Variants in SHB observed in about 807,000 individuals in gnomAD.
SHB encodes SH2 domain-containing adapter protein B.
Under a neutral mutation model 52.3 loss-of-function variants are expected in SHB, and 20 were observed. The observed-to-expected ratio is 0.38, with a 90% confidence interval of 0.27 to 0.56. The LOEUF (loss-of-function observed/expected upper bound fraction) is 0.56. Ranked by LOEUF, SHB falls within the 20% of genes least tolerant of loss-of-function variation. The pLI, the probability that SHB is intolerant of heterozygous loss-of-function variation, is 0.71. For missense variants in SHB, 825 were observed against 723.3 expected, an observed-to-expected ratio of 1.14 and a Z score of -1.61; for synonymous variants, 397 against 316.5, an observed-to-expected ratio of 1.25 and a Z score of -2.70.
chr9:37,920,647 C>T (rs1325523745), intron 5 of SHB, among the ~76,000 whole-genome samples: 1 of 152,232 alleles, frequency 6.6e-6, no homozygotes, highest in Admixed American at 6.5e-5. Flanking sequence ...ACCTGCCCTT[C>T]TTTATAAACC....
intron 2 of SHB, among the ~76,000 whole-genome samples, chr9:37,994,320 C>A (rs1820921884): frequency 6.6e-6 from 1 of 152,194 alleles, no homozygotes; most frequent in African/African-American, 2.4e-5. Context: ...ATGAAGAGCA[C>A]CGTGCATATA....
intron 1 of SHB, among the ~76,000 whole-genome samples, chr9:38,039,856 G>A (rs1450445475): frequency 2.0e-5 from 3 of 152,238 alleles, no homozygotes; most frequent in Admixed American, 6.5e-5. Context: ...CTCGAGGGGC[G>A]AGGGGAGAGG....
rs1200501992 is a variant in SHB at position 37,916,641 on chromosome 9, C to G, written c.*3180G>C. Among the ~76,000 whole-genome samples the G allele has an allele frequency of 6.6e-6, 1 of 152,248 alleles. No individual in the cohort carries two copies. The highest frequency in any genetic ancestry group is 2.4e-5 in the African/African-American group (1 of 41,470). Reference sequence around the variant, plus strand: ...GGACAGGGCCTGCCTCCTGAAGCCTCGGAGTCTTTGCACCCCTTTCCTGGG... The same window carrying G: ...GGACAGGGCCTGCCTCCTGAAGCCTGGGAGTCTTTGCACCCCTTTCCTGGG... On this transcript the variant is annotated 3_prime_UTR_variant, in exon 6 of 6. Coordinates refer to ENST00000377707, the MANE Select transcript of SHB (RefSeq NM_003028.3).
In SHB at chr9:37,990,777, G is replaced by A. The variant is rs377449880; in HGVS notation, c.839-15940C>T. ...AACTAGGAATAACCTACAAGTCTAT[G>A]AACAGGAAAACAACTGAACACATCA... On this transcript the variant is annotated intron_variant, in intron 2 of 5. Transcript: ENST00000377707. 3.3e-5 allele frequency among the ~76,000 whole-genome samples: 5 copies of A among 152,202 alleles called. No homozygotes were observed. The South Asian group carries it at 1.0e-3, about 32-fold the overall frequency.
intron 1 of SHB, among the ~76,000 whole-genome samples, chr9:38,040,403 G>C (rs1053749179): frequency 6.6e-6 from 1 of 152,218 alleles, no homozygotes; most frequent in African/African-American, 2.4e-5. Flanking sequence ...CTAAAGGGGG[G>C]GCTTGGGAAG....
chr9:38,016,211 T>A, intron 1 of SHB, 80 bp from the exon 2 acceptor site: 1 of 1,501,718 alleles, frequency 6.7e-7, no homozygotes, highest in Non-Finnish European at 9.1e-7. Context: ...GCTTTGGGCC[T>A]CAGCTAGATG....
intron 3 of SHB, among the ~76,000 whole-genome samples, chr9:37,962,798 C>T (rs933341423): frequency 1.3e-5 from 2 of 152,150 alleles, no homozygotes; most frequent in African/African-American, 4.8e-5. Context: ...TAGGAAGGAG[C>T]CACTATGCCT....
At chr9:38,052,772 G>A (rs1821767304) in intron 1 of SHB, among the ~76,000 whole-genome samples, 1 of 152,130 alleles carries the variant, frequency 6.6e-6, no homozygotes, top group African/African-American at 2.4e-5. Context: ...AGACCAAACT[G>A]TGGCCTGGCC....
At chr9:38,008,409 T>A (rs768080416) in intron 2 of SHB, among the ~76,000 whole-genome samples, 1 of 152,238 alleles carries the variant, frequency 6.6e-6, no homozygotes, top group Non-Finnish European at 1.5e-5. Context: ...GTGACTAATA[T>A]GAAATCTATT....
intron 1 of SHB, among the ~76,000 whole-genome samples, chr9:38,052,057 G>A (rs1336383698): frequency 6.6e-6 from 1 of 152,128 alleles, no homozygotes; most frequent in Non-Finnish European, 1.5e-5. Flanking sequence ...TACGACACCA[G>A]CAACTTTACA....
intron 5 of SHB, among the ~76,000 whole-genome samples, chr9:37,924,926 T>C (rs1224979572): frequency 6.6e-6 from 1 of 152,230 alleles, no homozygotes; most frequent in Non-Finnish European, 1.5e-5. Flanking sequence ...CAGCCTCATC[T>C]TCCTCTGCTC....
intron 2 of SHB, among the ~76,000 whole-genome samples, chr9:37,987,582 C>T (rs1006823194): frequency 6.6e-6 from 1 of 152,194 alleles, no homozygotes; most frequent in African/African-American, 2.4e-5. Flanking sequence ...TGAGTGACAC[C>T]AGGCAAGTCG....
intron 1 of SHB, among the ~76,000 whole-genome samples, chr9:38,040,489 C>T (rs1821561504): frequency 6.6e-6 from 1 of 152,234 alleles, no homozygotes; most frequent in Non-Finnish European, 1.5e-5. Flanking sequence ...TCAGCCAGAG[C>T]TCCGCTGCTC....
intron 1 of SHB, among the ~76,000 whole-genome samples, chr9:38,039,788 G>C (rs1488159522): frequency 6.6e-6 from 1 of 152,242 alleles, no homozygotes; most frequent in Non-Finnish European, 1.5e-5. Context: ...TCCTGCCTCA[G>C]CGAGGGCAGC....
chr9:37,948,562 CCA>C, intron 5 of SHB, 71 bp downstream of exon 5: 1 of 1,579,884 alleles, frequency 6.3e-7, no homozygotes, highest in Non-Finnish European at 8.6e-7. Flanking sequence ...GGTTTTTCTG[CCA>C]CAGACACGGT....
In SHB at chr9:38,068,703, G is replaced by A; in HGVS notation, c.-58C>T. The stretch of plus-strand genomic sequence containing the variant: ...GCCCGGTCCGCCGCCGCGGCCATTC[G>A]GGGGGCAGCGCTGCGGCGCAGGTCC... On this transcript the variant is annotated 5_prime_UTR_variant, in exon 1 of 6. Transcript: ENST00000377707. 4 of 1,215,886 alleles carry A rather than the reference G, an allele frequency of 3.3e-6. No individual in the cohort carries two copies. Among genetic ancestry groups the A allele is most frequent in the Non-Finnish European group, 3.1e-6 (3 of 973,748 alleles). 75.3% of individuals were successfully genotyped at this position (1,215,886 alleles called of 1,614,324 possible). A position where few individuals can be genotyped will look rare whatever the true frequency, so the allele number is the denominator to read the frequency against.
At chr9:38,050,304 C>A (rs1821723155) in intron 1 of SHB, among the ~76,000 whole-genome samples, 1 of 152,266 alleles carries the variant, frequency 6.6e-6, no homozygotes, top group Admixed American at 6.5e-5. Context: ...AACTAAGCGG[C>A]AGAAAATGCC....
intron 5 of SHB, among the ~76,000 whole-genome samples, chr9:37,934,041 G>C (rs568699983): frequency 2.2e-4 from 34 of 152,318 alleles, no homozygotes; most frequent in African/African-American, 8.2e-4. Context: ...CACAGCGGGA[G>C]TCAGCAACTA....
At chr9:38,009,871 A>T (rs1821117292) in intron 2 of SHB, among the ~76,000 whole-genome samples, 1 of 152,266 alleles carries the variant, frequency 6.6e-6, no homozygotes, top group Non-Finnish European at 1.5e-5. Flanking sequence ...ATTTAATAAT[A>T]AAAACATGCT....
Sources: allele counts gnomAD v4.1 joint callset (sites outside exome capture counted in the v4.1 genomes callset), GRCh38; gene constraint gnomAD v4.1.1; transcripts MANE v1.5; gene names NCBI Gene and HGNC (gene_info 2026-07-23, HGNC 2026-07-21).